Variants in USP32 observed in about 807,000 individuals in gnomAD.
The protein encoded by USP32 is ubiquitin carboxyl-terminal hydrolase 32.
USP32 carries 59 observed loss-of-function variants against 204.8 expected under a neutral mutation model. That is an observed-to-expected ratio of 0.29 (90% CI 0.23 to 0.36). The LOEUF (loss-of-function observed/expected upper bound fraction) is 0.36. Among genes scored for constraint, USP32 ranks in the 10% least tolerant of loss-of-function variants. The probability of loss-of-function intolerance (pLI) is 1.00; values close to 1 mark genes in which losing one functional copy is unlikely to be tolerated. For synonymous variants in USP32, 517 were observed against 678.4 expected, an observed-to-expected ratio of 0.76 and a Z score of 3.70; for missense variants, 1,160 against 1,946.4, an observed-to-expected ratio of 0.60 and a Z score of 7.60.
intron 11 of USP32, chr17:60,248,985 G>C (rs1425167702): frequency 6.6e-6 from 1 of 152,102 alleles, no homozygotes; most frequent in African/African-American, 2.4e-5. Context: ...CGACTTCCTG[G>C]AACAATTCTG....
chr17:60,322,395 T>G (rs2088133990), intron 2 of USP32, among the ~76,000 whole-genome samples: 1 of 152,194 alleles, frequency 6.6e-6, no homozygotes, highest in Non-Finnish European at 1.5e-5. Flanking sequence ...AGAAAAAGCA[T>G]GGCATATACA....
At chr17:60,343,405 A>T (rs1386849343) in intron 2 of USP32, among the ~76,000 whole-genome samples, 1 of 152,196 alleles carries the variant, frequency 6.6e-6, no homozygotes, top group Non-Finnish European at 1.5e-5. Context: ...ATTAGAAGTA[A>T]AGCACTCCTC....
intron 27 of USP32, among the ~76,000 whole-genome samples, chr17:60,196,481 A>C (rs1479216889): frequency 6.6e-6 from 1 of 152,194 alleles, no homozygotes; most frequent in Non-Finnish European, 1.5e-5. Context: ...GTTTTCCTTT[A>C]GGATTTATTT....
chr17:60,385,050 G>A (rs1042559893), intron 1 of USP32, among the ~76,000 whole-genome samples: 11 of 152,196 alleles, frequency 7.2e-5, no homozygotes, highest in Admixed American at 6.5e-4. Flanking sequence ...TGAAGCAACT[G>A]AAGAATCACA....
intron 1 of USP32, among the ~76,000 whole-genome samples, chr17:60,357,063 G>C (rs2089096314): frequency 6.6e-6 from 1 of 152,112 alleles, no homozygotes; most frequent in Admixed American, 6.6e-5. Flanking sequence ...ACTCCAGCTG[G>C]GACAACAGAG....
intron 1 of USP32, chr17:60,421,655 G>A: frequency 2.2e-6 from 2 of 929,776 alleles, no homozygotes; most frequent in Non-Finnish European, 2.6e-6. Context: ...GCGAGGGGGC[G>A]CTGCTGCCGC....
rs1301836013 is a variant in USP32, at chr17:60,192,885, C to T, written c.3480G>A (p.Val1160=). 1 of 1,614,018 alleles carries T rather than the reference C, an allele frequency of 6.2e-7. No individual in the cohort carries two copies. The highest frequency in any genetic ancestry group is 2.2e-5 in the East Asian group (1 of 44,886). The change falls in exon 28 of 34, where the codon GTG becomes GTA. Residue 1160 remains valine (V), a synonymous_variant. Coordinates refer to ENST00000300896, the MANE Select transcript of USP32 (RefSeq NM_032582.4). ...AAGCACAGGAGTTCCCATCTTTCTG[C>T]ACAACTCGTAGAGTGAATGGATATT... ...GYQYPFTLRV[V]QKDGNSCAWC...
At chr17:60,366,479 T>C (rs2089316062) in intron 1 of USP32, among the ~76,000 whole-genome samples, 1 of 152,126 alleles carries the variant, frequency 6.6e-6, no homozygotes, top group South Asian at 2.1e-4. Context: ...TTGGTCAGGC[T>C]GGTCTCGAAC....
intron 14 of USP32, 148 bp from the exon 15 acceptor site, chr17:60,222,697 TTTGAGACGGGGTC>T (rs1460039002): frequency 2.5e-6 from 2 of 799,556 alleles, no homozygotes; most frequent in African/African-American, 3.5e-5. Flanking sequence ...TTTTTTTTTT[TTTGAGACGGGGTC>T]TTGTTCCGTC....
chr17:60,231,415 A>T, intron 12 of USP32: 2 of 369,232 alleles, frequency 5.4e-6, no homozygotes, highest in South Asian at 4.3e-5. Context: ...TAATTGTCTG[A>T]TACAGCTTTG....
At chr17:60,236,070 T>C in intron 12 of USP32, 68 bp downstream of exon 12, 2 of 1,254,090 alleles carry the variant, frequency 1.6e-6, no homozygotes, top group South Asian at 2.4e-5. Flanking sequence ...AGCATTTTAT[T>C]ATTGGCTGGA....
At chr17:60,379,614 C>CTT (rs1293988038) in intron 1 of USP32, among the ~76,000 whole-genome samples, 1 of 152,128 alleles carries the variant, frequency 6.6e-6, no homozygotes, top group Non-Finnish European at 1.5e-5. Flanking sequence ...CTAATAAATT[C>CTT]TTCTAACACA....
At chr17:60,308,105 C>G (rs1434932338) in intron 2 of USP32, among the ~76,000 whole-genome samples, 2 of 152,198 alleles carry the variant, frequency 1.3e-5, no homozygotes, top group Admixed American at 1.3e-4. Flanking sequence ...GCTACTTCTA[C>G]CATTCAGTAA....
At chr17:60,316,376 A>C (rs1239422059) in intron 2 of USP32, among the ~76,000 whole-genome samples, 1 of 152,114 alleles carries the variant, frequency 6.6e-6, no homozygotes, top group Non-Finnish European at 1.5e-5. Flanking sequence ...AACGGAAATC[A>C]GGTATAGGGA....
intron 26 of USP32, among the ~76,000 whole-genome samples, chr17:60,200,035 A>G (rs1284856389): frequency 6.6e-6 from 1 of 152,030 alleles, no homozygotes; most frequent in Non-Finnish European, 1.5e-5. Flanking sequence ...CTCTACTAAA[A>G]ACACAAAAAT....
At chr17:60,300,066 GAC>G (rs1275062467) in intron 3 of USP32, among the ~76,000 whole-genome samples, 1 of 152,162 alleles carries the variant, frequency 6.6e-6, no homozygotes, top group Non-Finnish European at 1.5e-5. Context: ...TTTTGAGGGA[GAC>G]ACAAATATTC....
intron 4 of USP32, among the ~76,000 whole-genome samples, chr17:60,294,479 A>C (rs1217930768): frequency 6.6e-6 from 1 of 152,036 alleles, no homozygotes. Flanking sequence ...TTGCCTTTAC[A>C]GTAGAATTGA....
chr17:60,290,974 T>C (rs1403234568), intron 4 of USP32, among the ~76,000 whole-genome samples: 2 of 152,212 alleles, frequency 1.3e-5, no homozygotes, highest in Non-Finnish European at 2.9e-5. Flanking sequence ...TAATACCAAA[T>C]GTTTACAATG....
In USP32 at chr17:60,302,596, C is replaced by T. The variant is rs77292300; in HGVS notation, c.187-892G>A. On this transcript the variant is annotated intron_variant, in intron 2 of 33. Transcript: ENST00000300896. The stretch of plus-strand genomic sequence containing the variant: ...TAGAGGAGTATCTGCATATTACAGA[C>T]CCACACAACTGAATTATTTATTCTT... Among the ~76,000 whole-genome samples, 1,437 of 152,274 alleles carry T rather than the reference C, an allele frequency of 9.4e-3. 29 individuals carry two copies. The highest frequency in any genetic ancestry group is 0.033 in the African/African-American group (1,381 of 41,536).
Sources: gnomAD v4.1 joint callset for allele counts (sites outside exome capture counted in the v4.1 genomes callset) on GRCh38, gnomAD v4.1.1 for gene constraint, MANE v1.5 for transcripts, NCBI Gene and HGNC (gene_info 2026-07-23, HGNC 2026-07-21) for gene names.